EXOC4: variants seen among roughly 807,000 people sequenced by gnomAD.
EXOC4 encodes SEC8-like 1.
EXOC4 carries 71 observed loss-of-function variants against 107.2 expected under a neutral mutation model. That is an observed-to-expected ratio of 0.66 (90% CI 0.55 to 0.81). The LOEUF (loss-of-function observed/expected upper bound fraction) is 0.81. Among genes scored for constraint, EXOC4 ranks in the 30% least tolerant of loss-of-function variants. The pLI is 0.00. For synonymous variants in EXOC4, 456 were observed against 441.2 expected, an observed-to-expected ratio of 1.03 and a Z score of -0.42; for missense variants, 1,108 against 1,189.6, an observed-to-expected ratio of 0.93 and a Z score of 1.01.
At chr7:133,840,773 G>A (rs1329833817) in intron 11 of EXOC4, among the ~76,000 whole-genome samples, 1 of 152,092 alleles carries the variant, frequency 6.6e-6, no homozygotes. Flanking sequence ...GAGCCACTAC[G>A]CCTGGCTGGA....
At chr7:133,947,290 T>C (rs1800576495) in intron 14 of EXOC4, among the ~76,000 whole-genome samples, 1 of 152,194 alleles carries the variant, frequency 6.6e-6, no homozygotes, top group African/African-American at 2.4e-5. Flanking sequence ...GGTCTTCCCC[T>C]TCCTCCTGCC....
In EXOC4 at chr7:133,742,930, C is replaced by G. The variant is rs1018122198; in HGVS notation, c.1515-74395C>G. Among the ~76,000 whole-genome samples, 28 of 152,194 alleles carry G rather than the reference C, an allele frequency of 1.8e-4. No individual in the cohort carries two copies. In the East Asian group the frequency reaches 5.0e-3, roughly 27 times the overall value. The stretch of plus-strand genomic sequence containing the variant: ...TGTTTTTGCTTTTCCCAACTGCCCT[C>G]TGGTGGCAAAGGCACAACAGACAGC... On this transcript the variant is annotated intron_variant, in intron 10 of 17. Transcript: ENST00000253861.
chr7:133,835,423 C>G (rs958986813), intron 11 of EXOC4, among the ~76,000 whole-genome samples: 1 of 152,036 alleles, frequency 6.6e-6, no homozygotes, highest in Admixed American at 6.5e-5. Context: ...TGGGACAGTT[C>G]GAAGTGGGAC....
rs144615051 is a variant in EXOC4 at position 133,476,991 on chromosome 7, C to G, written c.1328+1518C>G. 4.7e-4 allele frequency among the ~76,000 whole-genome samples: 71 copies of G among 152,158 alleles called. 2 individuals carry two copies. The highest frequency in any genetic ancestry group is 2.3e-3 in the East Asian group (12 of 5,180). ...CATGTGATTCTCCCTGTGAATCTCT[C>G]TCTTTAAAAAACATATAGACTTTAT... On this transcript the variant is annotated intron_variant, in intron 8 of 17. Transcript: ENST00000253861.
At chr7:133,576,662 C>T (rs1030630576) in intron 9 of EXOC4, 1 of 1,289,680 alleles carries the variant, frequency 7.8e-7, no homozygotes, top group South Asian at 1.2e-5. Flanking sequence ...GAAAAAGAAA[C>T]AATCAGAAGT....
intron 17 of EXOC4, among the ~76,000 whole-genome samples, chr7:134,044,644 A>AT (rs11370619): frequency 1 from 152,362 of 152,364 alleles, 76,180 homozygotes; most frequent in Middle Eastern, 1. Context: ...AGAGCAGACA[A>AT]TGCAAGGCAT....
the EXOC4 span, among the ~76,000 whole-genome samples, chr7:134,089,542 TA>T: frequency 6.6e-6 from 1 of 152,178 alleles, no homozygotes; most frequent in African/African-American, 2.4e-5. Flanking sequence ...TCCCAAGCCT[TA>T]CCTAGCTGTA....
rs1163748898 is a variant in EXOC4 at position 133,732,797 on chromosome 7, T to A, written c.1515-84528T>A. On this transcript the variant is annotated intron_variant, in intron 10 of 17. Coordinates refer to ENST00000253861, the MANE Select transcript of EXOC4 (RefSeq NM_021807.4). ...GGTTTTTATCATTATCTCCTGGATT[T>A]GGCAGACCTGTTGGTGCTGAGCATA... 1.8e-5 allele frequency: 3 copies of A among 167,444 alleles called. No individual in the cohort carries two copies. The East Asian group carries it at 5.6e-4, about 31-fold the overall frequency. 10.4% of individuals were successfully genotyped at this position (167,444 alleles called of 1,614,324 possible).
At chr7:133,685,298 G>C (rs946559272) in intron 10 of EXOC4, among the ~76,000 whole-genome samples, 1 of 152,118 alleles carries the variant, frequency 6.6e-6, no homozygotes, top group Non-Finnish European at 1.5e-5. Flanking sequence ...TCTTGTGATA[G>C]TGAGTTCTCA....
chr7:133,710,705 A>G (rs1585095258), intron 10 of EXOC4, among the ~76,000 whole-genome samples: 2 of 152,012 alleles, frequency 1.3e-5, no homozygotes, highest in African/African-American at 4.8e-5. Flanking sequence ...ACAAAATGCT[A>G]CTGCATGAGA....
At position 133,361,570 on chromosome 7, in the gene EXOC4, C is replaced by T. The variant is rs546807814; in HGVS notation, c.1007+4997C>T. On this transcript the variant is annotated intron_variant, in intron 6 of 17. Coordinates refer to ENST00000253861, the MANE Select transcript of EXOC4 (RefSeq NM_021807.4). Reference sequence around the variant, plus strand: ...TTGATTAAATTTTAACTGTTGCCAACTGTGCTTTGCTTAGAGATGATACCA... The same window carrying T: ...TTGATTAAATTTTAACTGTTGCCAATTGTGCTTTGCTTAGAGATGATACCA... Among the ~76,000 whole-genome samples the T allele has an allele frequency of 2.6e-5, 4 of 152,304 alleles. No individual in the cohort carries two copies. The South Asian group carries it at 6.2e-4, about 24-fold the overall frequency.
chr7:133,676,893 A>G (rs1404144802), intron 10 of EXOC4, among the ~76,000 whole-genome samples: 1 of 151,186 alleles, frequency 6.6e-6, no homozygotes, highest in African/African-American at 2.4e-5. Flanking sequence ...TCATTTAATC[A>G]AAAAATAAAT....
At chr7:133,971,721 A>G (rs558126983) in intron 14 of EXOC4, among the ~76,000 whole-genome samples, 6 of 152,154 alleles carry the variant, frequency 3.9e-5, no homozygotes, top group Non-Finnish European at 7.4e-5. Flanking sequence ...ACAATTCATT[A>G]CTGGTTAGTG....
intron 7 of EXOC4, among the ~76,000 whole-genome samples, chr7:133,453,340 T>C (rs1363483330): frequency 1.3e-5 from 2 of 152,206 alleles, no homozygotes; most frequent in Non-Finnish European, 2.9e-5. Context: ...GGAACAGTGA[T>C]ACTTACTTTC....
intron 10 of EXOC4, among the ~76,000 whole-genome samples, chr7:133,812,318 A>T (rs1313092596): frequency 6.6e-6 from 1 of 152,184 alleles, no homozygotes; most frequent in Non-Finnish European, 1.5e-5. Flanking sequence ...AAACCATCAA[A>T]ACAATCTTGT....
chr7:133,974,349 T>C (rs930635745), intron 14 of EXOC4, among the ~76,000 whole-genome samples: 1 of 152,226 alleles, frequency 6.6e-6, no homozygotes, highest in African/African-American at 2.4e-5. Flanking sequence ...TTTATTAAAA[T>C]GAAACTTGAC....
chr7:133,842,828 GA>G lies in EXOC4; in HGVS notation c.1734+25286del, dbSNP rs141309460. Among the ~76,000 whole-genome samples, 53 of 152,178 alleles carry G rather than the reference GA, an allele frequency of 3.5e-4. 1 individual carries two copies. The East Asian group carries it at 0.01, about 29-fold the overall frequency. ...GATTTTTGTGTATGGTATAAATAAC[GA>G]AGGGGTCCAGTTTCAATCTAATGCA... On this transcript the variant is annotated intron_variant, in intron 11 of 17. Transcript: ENST00000253861.
chr7:133,815,717 T>C (rs929552600), intron 10 of EXOC4, among the ~76,000 whole-genome samples: 3 of 152,196 alleles, frequency 2.0e-5, no homozygotes, highest in Admixed American at 6.5e-5. Flanking sequence ...TCACTTCCTC[T>C]GGCTTCTCAT....
At chr7:133,253,303 C>G in intron 1 of EXOC4, 116 bp downstream of exon 1, 1 of 1,438,944 alleles carries the variant, frequency 6.9e-7, no homozygotes, top group Non-Finnish European at 9.2e-7. Flanking sequence ...CCTTGCCTCC[C>G]GCAGCCCCTC....
Sources: allele counts gnomAD v4.1 joint callset (sites outside exome capture counted in the v4.1 genomes callset), GRCh38; gene constraint gnomAD v4.1.1; transcripts MANE v1.5; gene names NCBI Gene and HGNC (gene_info 2026-07-23, HGNC 2026-07-21).